Variants in LSP1 observed in about 807,000 individuals in gnomAD.
LSP1 encodes lymphocyte specific protein 1.
In LSP1, 32 loss-of-function variants were observed where a neutral mutation model predicts 49.3. The ratio of observed to expected loss-of-function variants is 0.65; its 90% CI spans 0.49 to 0.87. The LOEUF is 0.87. LSP1 is among the 40% of genes least tolerant of loss of function. The pLI is 0.00. For synonymous variants in LSP1, 179 were observed against 178.8 expected (o/e 1.00, Z -0.01); for missense variants, 428 against 442.6 (o/e 0.97, Z 0.30).
In LSP1 at chr11:1,853,154, G is replaced by A; in HGVS notation, c.10G>A (p.Ala4Thr). The change falls in exon 1 of 11, where the codon GCT (alanine) becomes ACT (threonine). Residue 4 changes from alanine to threonine, a missense_variant. Ala to Thr is a moderately conservative substitution (Grantham distance 58). Transcript: ENST00000311604. Reference sequence around the variant, plus strand: ...CCCAGACTACAGGCTGATGGCGGAGGCTTCGAGTGACCCGGGTGCCGAGGA... The same window carrying A: ...CCCAGACTACAGGCTGATGGCGGAGACTTCGAGTGACCCGGGTGCCGAGGA... MAE[A>T]SSDPGAEERE... is the part of the protein sequence containing the mutation. The A allele has an allele frequency of 6.2e-7, 1 of 1,611,252 alleles. No individual in the cohort carries two copies. The highest frequency in any genetic ancestry group is 1.1e-5 in the South Asian group (1 of 90,394).
chr11:1,854,047 G>A (rs1245992381), intron 1 of LSP1, among the ~76,000 whole-genome samples: 1 of 152,144 alleles, frequency 6.6e-6, no homozygotes, highest in East Asian at 1.9e-4. Flanking sequence ...AACCCGAGTT[G>A]CCCCCGGTGC....
At chr11:1,874,746 C>T (rs1002772336) in intron 1 of LSP1, among the ~76,000 whole-genome samples, 3 of 152,134 alleles carry the variant, frequency 2.0e-5, no homozygotes, top group South Asian at 4.1e-4. Context: ...AGGCTGCAGA[C>T]GGAGGAGTGG....
rs974685665 is a variant in LSP1, at chr11:1,887,496, A to G, written c.953A>G (p.Tyr318Cys). 2 of 1,613,792 alleles carry G rather than the reference A, an allele frequency of 1.2e-6. No individual in the cohort carries two copies. The highest frequency in any genetic ancestry group is 1.7e-6 in the Non-Finnish European group (2 of 1,179,946). The change falls in exon 10 of 11, where the codon TAT becomes TGT. Residue 318 changes from tyrosine to cysteine, a missense_variant. Transcript: ENST00000311604. Reference sequence around the variant, plus strand: ...CAGAGCACCCCATCTGGGAAGAGGTATAAGTTTGTGGCCACCGGGCATGGG... The same window carrying G: ...CAGAGCACCCCATCTGGGAAGAGGTGTAAGTTTGTGGCCACCGGGCATGGG... ...TIKSTPSGKR[Y>C]KFVATGHGKY...
chr11:1,861,570 G>A (rs1565071416), intron 1 of LSP1, among the ~76,000 whole-genome samples: 47 of 151,914 alleles, frequency 3.1e-4, no homozygotes, highest in Non-Finnish European at 2.9e-5. Flanking sequence ...ATAATGGATA[G>A]ATAAATAGAT....
intron 1 of LSP1, among the ~76,000 whole-genome samples, chr11:1,872,564 C>T (rs1446867267): frequency 3.0e-4 from 40 of 134,702 alleles, no homozygotes; most frequent in African/African-American, 8.3e-4. Flanking sequence ...GTCTGGCTGG[C>T]GTGGGCACTT....
At chr11:1,879,813 A>G (rs1220708187) in intron 1 of LSP1, among the ~76,000 whole-genome samples, 3 of 152,050 alleles carry the variant, frequency 2.0e-5, no homozygotes, top group Non-Finnish European at 4.4e-5. Flanking sequence ...TGGGCCTTGG[A>G]GTCCCACCTT....
At position 1,887,330 on chromosome 11, in the gene LSP1, G is replaced by C. The variant is rs200946802; in HGVS notation, c.930+16G>C. The C allele has an allele frequency of 3.7e-6, 6 of 1,604,208 alleles. No homozygotes were observed. In the Admixed American group the frequency reaches 6.8e-5, roughly 18 times the overall value. On this transcript the variant is annotated intron_variant, in intron 9 of 10. Coordinates refer to ENST00000311604, the MANE Select transcript of LSP1 (RefSeq NM_002339.3). ...AACAATTAAGGTAGAGCCTAAATGT[G>C]GTTGGTGCAGGCAGGGTGGGTGCAG...
chr11:1,882,448 C>T (rs1848582834), intron 3 of LSP1, among the ~76,000 whole-genome samples: 1 of 152,198 alleles, frequency 6.6e-6, no homozygotes, highest in African/African-American at 2.4e-5. Context: ...CAACCAGGCT[C>T]CCACTCCCCA....
chr11:1,886,583 T>C lies in LSP1; in HGVS notation c.718-149T>C, dbSNP rs1648181263. ...TGCATCGAATGGAGGAAGGCTCATC[T>C]TTCCAGTGATCCCCACTCTGGGGCT... On this transcript the variant is annotated intron_variant, in intron 7 of 10. Transcript: ENST00000311604. 6 of 881,610 alleles carry C rather than the reference T, an allele frequency of 6.8e-6. No homozygotes were observed. The Admixed American group carries it at 1.3e-4, about 19-fold the overall frequency. 54.6% of individuals were successfully genotyped at this position (881,610 alleles called of 1,614,324 possible).
rs1298437392 is a variant in LSP1, at chr11:1,870,356, T to TATA, written c.54-9731_54-9730insATA. The TATA allele has an allele frequency of 7.1e-6, 9 of 1,268,542 alleles. No homozygotes were observed. The African/African-American group carries it at 1.4e-4, about 20-fold the overall frequency. The allele number at this position is 1,268,542 out of a possible 1,614,324, so 78.6% of individuals were successfully genotyped here. On this transcript the variant is annotated intron_variant, in intron 1 of 10. Transcript: ENST00000311604. ...GCACCCGGGGACATACACCGGGGAG[T>TATA]CTCCTGGGAAAGAAGTGCCGGCCCA...
Position 1,887,317 on chromosome 11 carries a change from A to G in LSP1, c.930+3A>G. On this transcript the variant is annotated splice_donor_region_variant and intron_variant, in intron 9 of 10. Transcript: ENST00000311604. ...CCAAGACCTCATCAACAATTAAGGT[A>G]GAGCCTAAATGTGGTTGGTGCAGGC... 2.5e-6 allele frequency: 4 copies of G among 1,603,724 alleles called. No homozygotes were observed. The highest frequency in any genetic ancestry group is 3.4e-6 in the Non-Finnish European group (4 of 1,173,450).
chr11:1,883,409 C>T lies in LSP1; in HGVS notation c.357-10C>T. ...CCCTAGAACGGCTTTGCCTCCCTTTCCACCCACAGGCCCGGCCTGCATGCC... is the reference window on the plus strand; with the variant it reads ...CCCTAGAACGGCTTTGCCTCCCTTTTCACCCACAGGCCCGGCCTGCATGCC... On this transcript the variant is annotated splice_polypyrimidine_tract_variant and intron_variant, in intron 3 of 10. Transcript: ENST00000311604. 1 of 1,613,766 alleles carries T rather than the reference C, an allele frequency of 6.2e-7. No individual in the cohort carries two copies. Among genetic ancestry groups the T allele is most frequent in the Non-Finnish European group, 8.5e-7 (1 of 1,179,860 alleles).
chr11:1,863,021 G>C (rs752698726), intron 1 of LSP1, among the ~76,000 whole-genome samples: 1 of 152,158 alleles, frequency 6.6e-6, no homozygotes, highest in Non-Finnish European at 1.5e-5. Flanking sequence ...TGCCGGGGGA[G>C]GGGAGATGCT....
intron 1 of LSP1, chr11:1,871,231 G>A (rs1433819510): frequency 1.0e-6 from 1 of 986,656 alleles, no homozygotes; most frequent in South Asian, 4.7e-5. Context: ...AGCAGGCACG[G>A]GGCAGGCAGA....
At chr11:1,857,839 C>T (rs1228295298) in intron 1 of LSP1, among the ~76,000 whole-genome samples, 1 of 152,190 alleles carries the variant, frequency 6.6e-6, no homozygotes, top group Non-Finnish European at 1.5e-5. Context: ...ACTGGAACCT[C>T]CGCCCTCCAG....
intron 10 of LSP1, chr11:1,890,890 A>G (rs1848971839): frequency 2.5e-6 from 1 of 395,024 alleles, no homozygotes; most frequent in South Asian, 4.2e-5. Flanking sequence ...AGCACAAAGC[A>G]GGCCCCAAGT....
intron 1 of LSP1, among the ~76,000 whole-genome samples, chr11:1,879,474 A>G (rs940078296): frequency 1.3e-5 from 2 of 152,226 alleles, no homozygotes; most frequent in African/African-American, 2.4e-5. Flanking sequence ...GGCAGGACCC[A>G]TGAGTCTGCG....
intron 1 of LSP1, among the ~76,000 whole-genome samples, chr11:1,854,941 G>A (rs1455830648): frequency 6.6e-6 from 1 of 152,154 alleles, no homozygotes; most frequent in South Asian, 2.1e-4. Flanking sequence ...CAGGAGCGGG[G>A]AGGGGGGGTT....
chr11:1,869,500 A>G, intron 1 of LSP1: 1 of 392,102 alleles, frequency 2.6e-6, no homozygotes, highest in Admixed American at 3.0e-5. Flanking sequence ...GGGCAGAGGG[A>G]GGGGCTGAGG....
Sources: allele counts gnomAD v4.1 joint callset (sites outside exome capture counted in the v4.1 genomes callset), GRCh38; gene constraint gnomAD v4.1.1; transcripts MANE v1.5; gene names NCBI Gene and HGNC (gene_info 2026-07-23, HGNC 2026-07-21).